Variants in AATF observed in about 807,000 individuals in gnomAD.
AATF encodes the protein protein AATF.
Under a neutral mutation model 63.7 loss-of-function variants are expected in AATF, and 48 were observed. The ratio of observed to expected loss-of-function variants is 0.75; its 90% confidence interval spans 0.60 to 0.96. The LOEUF (loss-of-function observed/expected upper bound fraction) is 0.96, where lower values mean the gene tolerates loss of function less well. Ranked by LOEUF, AATF falls within the 40% of genes least tolerant of loss-of-function variation. The pLI is 0.00. For missense variants in AATF, 639 were observed against 685.7 expected, an observed-to-expected ratio of 0.93 and a Z score of 0.76; for synonymous variants, 258 against 247.7, an observed-to-expected ratio of 1.04 and a Z score of -0.39.
At chr17:37,014,538 ATATG>A (rs767452987) in intron 8 of AATF, among the ~76,000 whole-genome samples, 1 of 152,178 alleles carries the variant, frequency 6.6e-6, no homozygotes, top group Non-Finnish European at 1.5e-5. Context: ...AAACTGGGAC[ATATG>A]ATCACCTCTT....
At chr17:36,982,461 C>T (rs1024099792) in intron 4 of AATF, among the ~76,000 whole-genome samples, 2 of 152,100 alleles carry the variant, frequency 1.3e-5, no homozygotes, top group African/African-American at 4.8e-5. Flanking sequence ...TCAGGAAATC[C>T]TTCCACCTCA....
At chr17:36,985,155 G>GCCTCCC (rs1170586759) in intron 4 of AATF, among the ~76,000 whole-genome samples, 1 of 152,012 alleles carries the variant, frequency 6.6e-6, no homozygotes, top group Non-Finnish European at 1.5e-5. Context: ...ACCCGCCTCC[G>GCCTCCC]CCTCCCAAAG....
chr17:37,043,693 C>A (rs897306917), intron 11 of AATF, among the ~76,000 whole-genome samples: 2 of 152,106 alleles, frequency 1.3e-5, no homozygotes, highest in Admixed American at 1.3e-4. Context: ...CACTTAAGGT[C>A]TTTTTCCAGT....
At chr17:36,994,758 T>A (rs1597717574) in intron 8 of AATF, among the ~76,000 whole-genome samples, 1 of 152,200 alleles carries the variant, frequency 6.6e-6, no homozygotes, top group East Asian at 1.9e-4. Flanking sequence ...CATTTAAGGC[T>A]TTTGTTTTGT....
At chr17:36,957,000 G>A (rs2070907306) in intron 4 of AATF, among the ~76,000 whole-genome samples, 1 of 151,928 alleles carries the variant, frequency 6.6e-6, no homozygotes, top group Non-Finnish European at 1.5e-5. Context: ...GAGAGAGAGA[G>A]AGAAAATTCT....
In AATF at chr17:36,988,722, C is replaced by T; in HGVS notation, c.1149+2C>T. 6.2e-7 allele frequency: 1 copy of T among 1,613,502 alleles called. No homozygotes were observed. The highest frequency in any genetic ancestry group is 8.5e-7 in the Non-Finnish European group (1 of 1,179,854). On this transcript the variant is annotated splice_donor_variant, in intron 6 of 11. Coordinates refer to ENST00000619387, the MANE Select transcript of AATF (RefSeq NM_012138.4). LOFTEE classifies it low-confidence loss of function (GC_TO_GT_DONOR). ...CTGGCTTCTGGAAAACTGGGGAAGG[C>T]AAGTGTGTGTATGCGCGCATGTATG...
At position 37,056,590 on chromosome 17, in the gene AATF, T is replaced by G. The variant is rs929331422; in HGVS notation, c.1620-11T>G. 3 of 1,614,192 alleles carry G rather than the reference T, an allele frequency of 1.9e-6. No individual in the cohort carries two copies. The highest frequency in any genetic ancestry group is 1.1e-5 in the South Asian group (1 of 91,084). On this transcript the variant is annotated splice_polypyrimidine_tract_variant and intron_variant, in intron 11 of 11. Transcript: ENST00000619387. Reference sequence around the variant, plus strand: ...CAGTGTGTTAACCAGTTTGCTGTGTTTGTCTTTTAGGACAGAACTGTACCG... The same window carrying G: ...CAGTGTGTTAACCAGTTTGCTGTGTGTGTCTTTTAGGACAGAACTGTACCG...
intron 8 of AATF, among the ~76,000 whole-genome samples, chr17:36,994,892 A>G (rs1441113415): frequency 6.6e-6 from 1 of 152,242 alleles, no homozygotes; most frequent in Non-Finnish European, 1.5e-5. Flanking sequence ...GTAGATAGGT[A>G]CTTGGCATGT....
chr17:37,015,218 G>C (rs909174871), intron 8 of AATF, among the ~76,000 whole-genome samples: 1 of 152,276 alleles, frequency 6.6e-6, no homozygotes, highest in East Asian at 1.9e-4. Context: ...TAATTATGCT[G>C]TGAACTGACC....
intron 10 of AATF, among the ~76,000 whole-genome samples, chr17:37,023,057 G>A (rs2071484936): frequency 6.6e-6 from 1 of 152,018 alleles, no homozygotes; most frequent in Admixed American, 6.5e-5. Context: ...TTTTAAAATT[G>A]TAATTTTATG....
intron 8 of AATF, 125 bp downstream of exon 8, chr17:36,990,982 C>T (rs991616216): frequency 2.1e-5 from 12 of 576,522 alleles, no homozygotes; most frequent in South Asian, 9.7e-5. Flanking sequence ...TTAGAACTCC[C>T]GCGTTCAAAA....
chr17:37,038,896 A>C (rs1175242647), intron 11 of AATF, among the ~76,000 whole-genome samples: 1 of 152,328 alleles, frequency 6.6e-6, no homozygotes, highest in Middle Eastern at 3.4e-3. Context: ...GTACAAATGC[A>C]ATCCAGCCTT....
chr17:37,001,025 G>A (rs2071290293), intron 8 of AATF, among the ~76,000 whole-genome samples: 1 of 152,012 alleles, frequency 6.6e-6, no homozygotes, highest in African/African-American at 2.4e-5. Context: ...ACATCACAAA[G>A]AAGAAATTAC....
Position 36,988,585 on chromosome 17 carries a change from T to C in AATF, c.1014T>C (p.Pro338=). The part of the protein sequence containing the change: ...EEKKQQRRRV[P]AKRKLEMEDY... ...AGAAGCAGCAACGAAGAAGGGTCCC[T>C]GCAAAGAGGAAGCTGGAGATGGAGG... is the stretch of plus-strand genomic sequence containing the variant. The change falls in exon 6 of 12, where the codon CCT becomes CCC. Residue 338 remains proline, a synonymous_variant. Coordinates refer to ENST00000619387, the MANE Select transcript of AATF (RefSeq NM_012138.4). The C allele has an allele frequency of 7.4e-6, 12 of 1,614,196 alleles. No homozygotes were observed. The highest frequency in any genetic ancestry group is 1.0e-5 in the Non-Finnish European group (12 of 1,180,030).
At chr17:36,958,725 G>T (rs1412381130) in intron 4 of AATF, among the ~76,000 whole-genome samples, 1 of 152,064 alleles carries the variant, frequency 6.6e-6, no homozygotes, top group East Asian at 1.9e-4. Flanking sequence ...TCACCTTCTG[G>T]ATTATTTTGA....
intron 8 of AATF, among the ~76,000 whole-genome samples, chr17:36,993,489 G>A (rs1003698804): frequency 2.0e-5 from 3 of 152,184 alleles, no homozygotes; most frequent in Non-Finnish European, 1.5e-5. Context: ...CCAATTCAGT[G>A]ATAAGGCTAA....
intron 3 of AATF, 125 bp downstream of exon 3, chr17:36,953,421 A>G (rs2070873306): frequency 6.8e-7 from 1 of 1,462,066 alleles, no homozygotes. Flanking sequence ...GACATGCCCC[A>G]CTTACCCAGA....
intron 11 of AATF, chr17:37,054,827 C>T (rs1187301798): frequency 6.6e-6 from 1 of 152,218 alleles, no homozygotes; most frequent in Non-Finnish European, 1.5e-5. Flanking sequence ...GTCCTAAAGT[C>T]ACACTGTCCT....
chr17:36,950,153 G>C (rs1567961372), intron 1 of AATF, 61 bp from the exon 2 acceptor site: 1 of 1,562,380 alleles, frequency 6.4e-7, no homozygotes, highest in Non-Finnish European at 8.7e-7. Context: ...GTCGACCAGG[G>C]TTCCCGTTAA....
Sources: gnomAD v4.1 joint callset for allele counts (sites outside exome capture counted in the v4.1 genomes callset) on GRCh38, gnomAD v4.1.1 for gene constraint, MANE v1.5 for transcripts, NCBI Gene and HGNC (gene_info 2026-07-23, HGNC 2026-07-21) for gene names.